C10orf53: variants seen among roughly 807,000 people sequenced by gnomAD.
C10orf53 encodes UPF0728 protein C10orf53.
Under a neutral mutation model 9.4 loss-of-function variants are expected in C10orf53, and 8 were observed. That is an observed-to-expected ratio of 0.85 (90% CI 0.50 to 1.53). The LOEUF (loss-of-function observed/expected upper bound fraction) is 1.53. C10orf53 is among the 40% of genes most tolerant of loss of function. The probability of loss-of-function intolerance (pLI) is 0.00; values close to 1 mark genes in which losing one functional copy is unlikely to be tolerated. For synonymous variants in C10orf53, 48 were observed against 46.0 expected (o/e 1.04, Z -0.18); for missense variants, 117 against 117.8 (o/e 0.99, Z 0.03).
At chr10:49,705,150 G>T (rs1256230847) in intron 2 of C10orf53, among the ~76,000 whole-genome samples, 3 of 152,040 alleles carry the variant, frequency 2.0e-5, no homozygotes, top group Non-Finnish European at 4.4e-5. Context: ...TATTGCTAAG[G>T]TCAAAAAAGT....
intron 1 of C10orf53, 91 bp downstream of exon 1, chr10:49,679,885 C>A: frequency 8.9e-7 from 1 of 1,117,886 alleles, no homozygotes; most frequent in Non-Finnish European, 1.2e-6. Flanking sequence ...CCTCAGACCC[C>A]CACGAAGCGC....
chr10:49,707,786 G>A (rs1330163830), intron 2 of C10orf53, among the ~76,000 whole-genome samples: 2 of 151,966 alleles, frequency 1.3e-5, no homozygotes, highest in Non-Finnish European at 2.9e-5. Context: ...GTGCTTCTTG[G>A]GAACTGTCTT....
At chr10:49,681,085 G>A (rs767819705) in intron 1 of C10orf53, among the ~76,000 whole-genome samples, 3 of 152,170 alleles carry the variant, frequency 2.0e-5, no homozygotes, top group Non-Finnish European at 4.4e-5. Context: ...GGCTTATCCA[G>A]GTATTAAGCC....
At chr10:49,708,406 G>A in exon 3 of C10orf53, 1 of 1,614,182 alleles carries the variant, frequency 6.2e-7, no homozygotes, top group Non-Finnish European at 8.5e-7. Context: ...AGCAGCTCCA[G>A]GCTGACATTT....
chr10:49,693,754 T>A lies in C10orf53; in HGVS notation c.98-20T>A. ...GAAGTCTGACCCCATGTCACTCACCTCCTTTTCTTTCCTTCCCAGCTGTGT... is the reference window on the plus strand; with the variant it reads ...GAAGTCTGACCCCATGTCACTCACCACCTTTTCTTTCCTTCCCAGCTGTGT... On this transcript the variant is annotated intron_variant, in intron 1 of 2. Transcript: ENST00000374111. 1 of 1,611,086 alleles carries A rather than the reference T, an allele frequency of 6.2e-7. No homozygotes were observed. The highest frequency in any genetic ancestry group is 8.5e-7 in the Non-Finnish European group (1 of 1,177,992).
intron 1 of C10orf53, among the ~76,000 whole-genome samples, chr10:49,685,653 A>G (rs1190494921): frequency 1.3e-5 from 2 of 152,144 alleles, no homozygotes; most frequent in African/African-American, 2.4e-5. Context: ...TGCACTTTAA[A>G]TATGTATCCC....
intron 2 of C10orf53, among the ~76,000 whole-genome samples, chr10:49,704,722 T>A (rs1840710670): frequency 1.3e-5 from 2 of 152,140 alleles, no homozygotes; most frequent in South Asian, 4.2e-4. Flanking sequence ...CCACCCTGGG[T>A]GGCAGAGCGA....
chr10:49,705,675 T>C (rs184403033), intron 2 of C10orf53, among the ~76,000 whole-genome samples: 38 of 152,108 alleles, frequency 2.5e-4, no homozygotes, highest in African/African-American at 8.7e-4. Context: ...ATAAAACTCT[T>C]AGGAAAAAAA....
chr10:49,692,558 G>A (rs114866094), intron 1 of C10orf53, among the ~76,000 whole-genome samples: 3,487 of 152,268 alleles, frequency 0.023, 115 homozygotes, highest in African/African-American at 0.077. Flanking sequence ...AGACTTTAAA[G>A]AATATGCCCC....
chr10:49,698,159 A>G (rs1267357), downstream of C10orf53, among the ~76,000 whole-genome samples: 58,305 of 152,002 alleles, frequency 0.38, 11,907 homozygotes, highest in Non-Finnish European at 0.45. Flanking sequence ...GTGCAGTGGC[A>G]TGCACCTGTA....
chr10:49,682,661 C>T (rs1362228421), intron 1 of C10orf53, among the ~76,000 whole-genome samples: 1 of 152,188 alleles, frequency 6.6e-6, no homozygotes, highest in Non-Finnish European at 1.5e-5. Context: ...GTCCATTTTA[C>T]AGAGTGCTGA....
rs746055820 is a variant in C10orf53, at chr10:49,694,585, G to C, written c.265G>C (p.Val89Leu). 1 of 1,614,228 alleles carries C rather than the reference G, an allele frequency of 6.2e-7. No individual in the cohort carries two copies. The highest frequency in any genetic ancestry group is 2.2e-5 in the East Asian group (1 of 44,892). ...DPLCEKARIA[V>L]LNAY ...ACTGTGTGAAAAGGCCAGGATAGCC[G>C]TGCTGAATGCCTACTGATCTCCTCA... Residue 89 changes from valine to leucine, a missense_variant, in exon 3 of 3, where the codon GTG (valine) becomes CTG (leucine). Val to Leu is a conservative substitution (Grantham distance 32). Coordinates refer to ENST00000374111, the MANE Select transcript of C10orf53 (RefSeq NM_001042427.3).
intron 1 of C10orf53, among the ~76,000 whole-genome samples, chr10:49,691,512 G>A (rs1456136070): frequency 1.3e-5 from 2 of 152,222 alleles, no homozygotes; most frequent in Non-Finnish European, 2.9e-5. Flanking sequence ...GAGAGCCTGT[G>A]CTTTGCAACC....
chr10:49,703,691 G>A (rs190565460), intron 2 of C10orf53, among the ~76,000 whole-genome samples: 13 of 152,190 alleles, frequency 8.5e-5, no homozygotes, highest in Non-Finnish European at 1.6e-4. Context: ...TTTCTAGACC[G>A]TCCTAAAGCC....
At position 49,695,851 on chromosome 10, in the gene C10orf53, C is replaced by T. The variant is rs902262397; in HGVS notation, c.*1249C>T. ...CAAAAGAGATTCTTCCTCCCAGTGT[C>T]TGGTGCTGGTTTTCACATATCTTTT... On this transcript the variant is annotated 3_prime_UTR_variant, in exon 3 of 3. Coordinates refer to ENST00000374111, the MANE Select transcript of C10orf53 (RefSeq NM_001042427.3). 16 of 152,214 alleles carry T rather than the reference C, an allele frequency of 1.1e-4. No homozygotes were observed. The highest frequency in any genetic ancestry group is 3.9e-4 in the African/African-American group (16 of 41,450). The allele number at this position is 152,214 out of a possible 1,614,324, so 9.4% of individuals were successfully genotyped here.
intron 2 of C10orf53, among the ~76,000 whole-genome samples, chr10:49,705,611 T>C (rs907240097): frequency 3.3e-5 from 5 of 152,040 alleles, no homozygotes; most frequent in African/African-American, 1.2e-4. Context: ...CCTCACACCA[T>C]ATACAAAAAT....
rs2132885170 is a variant in C10orf53, at chr10:49,696,062, T to G, written c.*1460T>G. On this transcript the variant is annotated 3_prime_UTR_variant, in exon 3 of 3. Transcript: ENST00000374111. ...ACATTTTTATATATTTCAATTTGGG[T>G]TTCTTCTGTTTATGTCTGAATATTC... is the stretch of plus-strand genomic sequence containing the variant. 6.6e-6 allele frequency: 1 copy of G among 152,298 alleles called. No individual in the cohort carries two copies. The highest frequency in any genetic ancestry group is 2.4e-5 in the African/African-American group (1 of 41,562). The allele number at this position is 152,298 out of a possible 1,614,324, so 9.4% of individuals were successfully genotyped here.
At position 49,696,579 on chromosome 10, in the gene C10orf53, A is replaced by G. The variant is rs1022184332; in HGVS notation, c.*1977A>G. Among the ~76,000 whole-genome samples the G allele has an allele frequency of 3.3e-5, 5 of 152,208 alleles. No individual in the cohort carries two copies. Among genetic ancestry groups the G allele is most frequent in the Non-Finnish European group, 7.3e-5 (5 of 68,044 alleles). On this transcript the variant is annotated 3_prime_UTR_variant, in exon 3 of 3. Transcript: ENST00000374111. ...AAGAAGACCTGCCCTCCTTGGCTTC[A>G]TGACCAGAGCTGAAGGGCAGGTAAG...
chr10:49,682,920 C>G (rs562038192), intron 1 of C10orf53, among the ~76,000 whole-genome samples: 2 of 152,308 alleles, frequency 1.3e-5, no homozygotes, highest in East Asian at 1.9e-4. Flanking sequence ...ATGTATTATA[C>G]TACTTTATTC....
Sources: allele counts gnomAD v4.1 joint callset (sites outside exome capture counted in the v4.1 genomes callset), GRCh38; gene constraint gnomAD v4.1.1; transcripts MANE v1.5; gene names NCBI Gene and HGNC (gene_info 2026-07-23, HGNC 2026-07-21).